PDE6B: variants seen among roughly 807,000 people sequenced by gnomAD.
The protein encoded by PDE6B is rod cGMP-specific 3',5'-cyclic phosphodiesterase subunit beta.
In PDE6B, 106 loss-of-function variants were observed where a neutral mutation model predicts 109.0. The observed-to-expected ratio is 0.97, with a 90% CI of 0.83 to 1.14. PDE6B has a LOEUF of 1.14. Ranked by LOEUF, PDE6B falls within the 50% of genes most tolerant of loss-of-function variation. The pLI is 0.00. For synonymous variants in PDE6B, 490 were observed against 471.3 expected (o/e 1.04, Z -0.51); for missense variants, 1,193 against 1,155.6 (o/e 1.03, Z -0.47).
chr4:639,060 T>C (rs976297285), intron 3 of PDE6B, among the ~76,000 whole-genome samples: 1 of 152,090 alleles, frequency 6.6e-6, no homozygotes, highest in African/African-American at 2.4e-5. Context: ...ACCACTGTGA[T>C]AGGAAACACG....
At chr4:656,133 G>A in intron 7 of PDE6B, 112 bp from the exon 8 acceptor site, 1 of 1,006,854 alleles carries the variant, frequency 9.9e-7, no homozygotes, top group Non-Finnish European at 1.6e-6. Flanking sequence ...GAAGCCCCCA[G>A]CTGCCCTGCT....
At chr4:656,562 C>T (rs1465191007) in intron 8 of PDE6B, among the ~76,000 whole-genome samples, 2 of 151,436 alleles carry the variant, frequency 1.3e-5, no homozygotes, top group Non-Finnish European at 2.9e-5. Context: ...CACACCCCTG[C>T]GAGGCCGTGA....
At chr4:631,586 T>C (rs1734388073) in intron 1 of PDE6B, among the ~76,000 whole-genome samples, 2 of 152,156 alleles carry the variant, frequency 1.3e-5, no homozygotes, top group African/African-American at 2.4e-5. Context: ...TGCGTGGATC[T>C]GTGTGGCACC....
chr4:630,192 G>T (rs1734315750), intron 1 of PDE6B, among the ~76,000 whole-genome samples: 1 of 152,196 alleles, frequency 6.6e-6, no homozygotes, highest in Admixed American at 6.5e-5. Context: ...ACAATGGGTG[G>T]GGCAGCTGGC....
At chr4:654,979 C>A in intron 6 of PDE6B, 91 bp downstream of exon 6, 1 of 839,574 alleles carries the variant, frequency 1.2e-6, no homozygotes. Context: ...CCCAGGGCTT[C>A]CCACGGTGCA....
At chr4:651,074 G>C in intron 3 of PDE6B, among the ~76,000 whole-genome samples, 1 of 143,000 alleles carries the variant, frequency 7.0e-6, no homozygotes. Flanking sequence ...CGATGTCAAC[G>C]GCAGTGGGGC....
At chr4:641,659 T>A (rs940539865) in intron 3 of PDE6B, among the ~76,000 whole-genome samples, 1 of 152,198 alleles carries the variant, frequency 6.6e-6, no homozygotes, top group African/African-American at 2.4e-5. Context: ...TTGTTTTTTG[T>A]TTTCTGAGAC....
chr4:657,998 G>A (rs1481831291), intron 10 of PDE6B, among the ~76,000 whole-genome samples: 1 of 145,414 alleles, frequency 6.9e-6, no homozygotes, highest in African/African-American at 2.6e-5. Flanking sequence ...GGCTCACCCA[G>A]GGGTCATGGC....
rs746748194 is a variant in PDE6B, at chr4:634,699, C to T, written c.491C>T (p.Ala164Val). The change falls in exon 2 of 22, where the codon GCT (alanine) becomes GTT (valine). Residue 164 changes from alanine (A) to valine (V), a missense_variant. Physicochemically the swap from Ala to Val is moderately conservative, Grantham distance 64. Coordinates refer to ENST00000496514, the MANE Select transcript of PDE6B (RefSeq NM_000283.4). Reference protein sequence around the residue: ...VAECPHFSSFADELTDYKTKN... With the variant: ...VAECPHFSSFVDELTDYKTKN... ...CAGTGCCCTCACTTCAGCTCATTTG[C>T]TGACGAGCTCACTGACTACAAGACA... 12 of 1,612,894 alleles carry T rather than the reference C, an allele frequency of 7.4e-6. No individual in the cohort carries two copies. The African/African-American group carries it at 1.5e-4, about 20-fold the overall frequency.
rs1204738974 is a variant in PDE6B, at chr4:670,683, A to G, written c.*576A>G. ...AGAACATTTGCAGCCACACATGTAC[A>G]TATGTGTACACAGGTAGACAGATGG... On this transcript the variant is annotated 3_prime_UTR_variant, in exon 22 of 22. Coordinates refer to ENST00000496514, the MANE Select transcript of PDE6B (RefSeq NM_000283.4). 1.2e-5 allele frequency: 2 copies of G among 167,276 alleles called. No individual in the cohort carries two copies. Among genetic ancestry groups the G allele is most frequent in the African/African-American group, 2.4e-5 (1 of 41,588 alleles). 10.4% of individuals were successfully genotyped at this position (167,276 alleles called of 1,614,324 possible).
chr4:654,838 C>CTTCTCAGG lies in PDE6B; in HGVS notation c.942_943insTTCTCAGG (p.Lys315PhefsTer5). Reference sequence around the variant, plus strand: ...CTGCTTCTCAGGAAATTGTCTTCTACAAAGTGATCGACTACGTCCTCCACG... The same window carrying CTTCTCAGG: ...CTGCTTCTCAGGAAATTGTCTTCTACTTCTCAGGAAAGTGATCGACTACGTCCTCCACG... On this transcript the variant is annotated frameshift_variant, in exon 6 of 22. Coordinates refer to ENST00000496514, the MANE Select transcript of PDE6B (RefSeq NM_000283.4). LOFTEE classifies it high-confidence loss of function. 2 of 1,570,350 alleles carry CTTCTCAGG rather than the reference C, an allele frequency of 1.3e-6. No homozygotes were observed. Among genetic ancestry groups the CTTCTCAGG allele is most frequent in the Non-Finnish European group, 1.8e-6 (2 of 1,140,056 alleles).
Position 656,951 on chromosome 4 carries a change from T to A in PDE6B, c.1185T>A (p.Ile395=). ...CCATCGTCAACAAGAAGGAGGAGAT[T>A]GTGGGAGTCGCCACATTTTACAACA... ...SMPIVNKKEE[I]VGVATFYNRK... Residue 395 remains isoleucine (I), a synonymous_variant, in exon 9 of 22, where the codon ATT becomes ATA. Transcript: ENST00000496514. 1 of 1,613,232 alleles carries A rather than the reference T, an allele frequency of 6.2e-7. No individual in the cohort carries two copies. The highest frequency in any genetic ancestry group is 8.5e-7 in the Non-Finnish European group (1 of 1,179,890).
intron 1 of PDE6B, among the ~76,000 whole-genome samples, chr4:630,832 A>G (rs1340848266): frequency 6.6e-6 from 1 of 152,196 alleles, no homozygotes; most frequent in Non-Finnish European, 1.5e-5. Flanking sequence ...TGCAGTCACA[A>G]AGCCTCAGCG....
rs1455386797 is a variant in PDE6B at position 626,557 on chromosome 4, C to T, written c.468+463C>T. On this transcript the variant is annotated intron_variant, in intron 1 of 21. Transcript: ENST00000496514. The surrounding 1 kb of genome is among the most constrained non-coding windows in gnomAD (Gnocchi z 4.6). ...CAGTCGAAGGTGGTGCAGACGCCCA[C>T]AGGGAGGGAGAGCCAGGGGAACCCC... Among the ~76,000 whole-genome samples the T allele has an allele frequency of 1.3e-5, 2 of 152,198 alleles. No homozygotes were observed. The highest frequency in any genetic ancestry group is 2.9e-5 in the Non-Finnish European group (2 of 68,032).
chr4:640,524 G>A (rs975603398), intron 3 of PDE6B, among the ~76,000 whole-genome samples: 4 of 152,084 alleles, frequency 2.6e-5, no homozygotes, highest in Non-Finnish European at 4.4e-5. Flanking sequence ...GGACGACAGA[G>A]TGAGACTCCA....
At position 636,746 on chromosome 4, in the gene PDE6B, C is replaced by T. The variant is rs916551350; in HGVS notation, c.711+777C>T. Reference sequence around the variant, plus strand: ...CCTGCTGCGAGCCTGCTGAACGTGGCGAGAGGCTGAGGTCTTTATCTCAGC... The same window carrying T: ...CCTGCTGCGAGCCTGCTGAACGTGGTGAGAGGCTGAGGTCTTTATCTCAGC... On this transcript the variant is annotated intron_variant, in intron 3 of 21. Coordinates refer to ENST00000496514, the MANE Select transcript of PDE6B (RefSeq NM_000283.4). This position sits in a 1 kb window ranked among gnomAD's most constrained non-coding sequence, Gnocchi z 4.5. Among the ~76,000 whole-genome samples the T allele has an allele frequency of 2.0e-5, 3 of 152,182 alleles. No homozygotes were observed. Among genetic ancestry groups the T allele is most frequent in the South Asian group, 2.1e-4 (1 of 4,836 alleles).
chr4:661,778 TC>T, intron 12 of PDE6B: 1 of 347,458 alleles, frequency 2.9e-6, no homozygotes, highest in Non-Finnish European at 5.7e-6. Context: ...TTCTGCTCAT[TC>T]AAATGTCCAT....
chr4:640,432 A>G (rs575538412), intron 3 of PDE6B, among the ~76,000 whole-genome samples: 7 of 152,142 alleles, frequency 4.6e-5, no homozygotes, highest in African/African-American at 1.7e-4. Flanking sequence ...CCAGTTACTC[A>G]GGAGGCTGAG....
In PDE6B at chr4:652,502, C is replaced by T. The variant is rs1298257842; in HGVS notation, c.712-1350C>T. ...TGGAGCTGTGGGCTTCAAGGTCAGCCGCGCTGTGTGGCGGCCACCACTGCC... is the reference window on the plus strand; with the variant it reads ...TGGAGCTGTGGGCTTCAAGGTCAGCTGCGCTGTGTGGCGGCCACCACTGCC... On this transcript the variant is annotated intron_variant, in intron 3 of 21. Transcript: ENST00000496514. The T allele has an allele frequency of 1.0e-5, 10 of 984,958 alleles. No individual in the cohort carries two copies. In the South Asian group the frequency reaches 1.9e-4, roughly 19 times the overall value. The allele number at this position is 984,958 out of a possible 1,614,324, so 61.0% of individuals were successfully genotyped here.
Sources: gnomAD v4.1 joint callset for allele counts (sites outside exome capture counted in the v4.1 genomes callset) on GRCh38, gnomAD v4.1.1 for gene constraint, Gnocchi (gnomAD v3.1) non-coding constraint, MANE v1.5 for transcripts, NCBI Gene and HGNC (gene_info 2026-07-23, HGNC 2026-07-21) for gene names.